The following PTPRT variants were observed in gnomAD, a reference collection of about 807,000 sequenced individuals.
The protein encoded by PTPRT is protein tyrosine phosphatase receptor type T.
In PTPRT, 56 loss-of-function variants were observed where a neutral mutation model predicts 176.8. The observed-to-expected ratio is 0.32, with a 90% confidence interval of 0.26 to 0.40. The LOEUF is 0.40. Ranked by LOEUF, PTPRT falls within the 10% of genes least tolerant of loss-of-function variation. PTPRT has a pLI of 1.00. For synonymous variants in PTPRT, 783 were observed against 739.0 expected (o/e 1.06, Z -0.96); for missense variants, 1,540 against 1,908.2 (o/e 0.81, Z 3.60).
intron 17 of PTPRT, among the ~76,000 whole-genome samples, chr20:42,156,225 A>G (rs1337572196): frequency 6.6e-6 from 1 of 152,188 alleles, no homozygotes; most frequent in Admixed American, 6.5e-5. Context: ...CCCACCCCCA[A>G]GGATTCTCAT....
chr20:42,415,057 A>C (rs1285895719), intron 9 of PTPRT, among the ~76,000 whole-genome samples: 1 of 152,236 alleles, frequency 6.6e-6, no homozygotes, highest in Admixed American at 6.5e-5. Flanking sequence ...GTCCAGAAAT[A>C]GAACTGAAGG....
rs1255209939 is a variant in PTPRT at position 42,320,638 on chromosome 20, G to A, written c.1866-4642C>T. 3.9e-5 allele frequency among the ~76,000 whole-genome samples: 6 copies of A among 152,170 alleles called. No individual in the cohort carries two copies. The East Asian group carries it at 1.2e-3, about 29-fold the overall frequency. ...ATGATGTATTGAGGAAGTAGTCCCA[G>A]AAGAAACTAGTAAAGGAGTGAGAGA... On this transcript the variant is annotated intron_variant, in intron 11 of 30. Coordinates refer to ENST00000373187, the MANE Select transcript of PTPRT (RefSeq NM_007050.6).
chr20:42,589,400 C>T (rs2073529579), intron 7 of PTPRT, among the ~76,000 whole-genome samples: 1 of 152,172 alleles, frequency 6.6e-6, no homozygotes, highest in African/African-American at 2.4e-5. Context: ...AAGCAAGTTC[C>T]GTTCTTCAAT....
intron 2 of PTPRT, among the ~76,000 whole-genome samples, chr20:42,868,725 A>G (rs1489367271): frequency 1.3e-5 from 2 of 152,198 alleles, no homozygotes; most frequent in Non-Finnish European, 2.9e-5. Context: ...ATTTATCAAG[A>G]CAATGAAAGA....
chr20:42,245,927 G>A (rs1292316478), intron 14 of PTPRT, among the ~76,000 whole-genome samples: 1 of 152,192 alleles, frequency 6.6e-6, no homozygotes, highest in Non-Finnish European at 1.5e-5. Context: ...CCAGTGGAGG[G>A]GTTGTAGCAG....
At chr20:42,195,791 G>C (rs1202923898) in intron 16 of PTPRT, among the ~76,000 whole-genome samples, 1 of 151,784 alleles carries the variant, frequency 6.6e-6, no homozygotes, top group Non-Finnish European at 1.5e-5. Context: ...GTATATTTAC[G>C]TGTCTGTGTA....
At chr20:42,035,417 A>AC in the PTPRT span, among the ~76,000 whole-genome samples, 1 of 152,002 alleles carries the variant, frequency 6.6e-6, no homozygotes, top group Non-Finnish European at 1.5e-5. Flanking sequence ...AAGAGCCAGA[A>AC]CTCCTGGTCA....
chr20:42,329,309 G>A (rs1482903150), intron 11 of PTPRT, among the ~76,000 whole-genome samples: 1 of 152,022 alleles, frequency 6.6e-6, no homozygotes, highest in Non-Finnish European at 1.5e-5. Context: ...AAATTCATAG[G>A]GAAACATAAG....
At chr20:42,162,284 G>C (rs551845405) in intron 16 of PTPRT, among the ~76,000 whole-genome samples, 1 of 152,122 alleles carries the variant, frequency 6.6e-6, no homozygotes, top group Non-Finnish European at 1.5e-5. Flanking sequence ...TACTTTCCCC[G>C]GGCCTGGATG....
chr20:42,265,024 C>A (rs538922154), intron 13 of PTPRT, among the ~76,000 whole-genome samples: 19 of 152,302 alleles, frequency 1.2e-4, no homozygotes, highest in African/African-American at 4.6e-4. Context: ...GGGTTAAGAT[C>A]ATTATAATGA....
intron 6 of PTPRT, 138 bp downstream of exon 6, chr20:42,756,324 G>C (rs1383585163): frequency 1.1e-6 from 1 of 890,176 alleles, no homozygotes; most frequent in Admixed American, 3.7e-5. Context: ...TTGTGTTGGG[G>C]AGGGAGGCCA....
At chr20:42,521,476 T>C (rs2072175668) in intron 7 of PTPRT, among the ~76,000 whole-genome samples, 1 of 152,216 alleles carries the variant, frequency 6.6e-6, no homozygotes, top group African/African-American at 2.4e-5. Context: ...GATTTATAGA[T>C]CCTTTTCCAA....
At chr20:42,338,715 T>C (rs2058073175) in intron 11 of PTPRT, among the ~76,000 whole-genome samples, 1 of 152,182 alleles carries the variant, frequency 6.6e-6, no homozygotes, top group African/African-American at 2.4e-5. Flanking sequence ...CTCTCATAAT[T>C]TCAGCTTTGC....
intron 12 of PTPRT, among the ~76,000 whole-genome samples, chr20:42,285,658 T>C (rs2057216877): frequency 6.6e-6 from 1 of 151,782 alleles, no homozygotes; most frequent in South Asian, 2.1e-4. Flanking sequence ...GTCTCTCTTA[T>C]TCAACACAGC....
chr20:42,352,049 A>G, intron 10 of PTPRT, 35 bp downstream of exon 10: 1 of 1,594,004 alleles, frequency 6.3e-7, no homozygotes, highest in Non-Finnish European at 8.6e-7. Context: ...GGGGTGAAAC[A>G]ACCTTTTTTC....
intron 1 of PTPRT, among the ~76,000 whole-genome samples, chr20:43,113,726 T>C (rs1489457545): frequency 1.3e-5 from 2 of 152,080 alleles, no homozygotes; most frequent in African/African-American, 4.8e-5. Context: ...ATCAAAGGCT[T>C]GGGGTTACTG....
intron 12 of PTPRT, among the ~76,000 whole-genome samples, chr20:42,305,271 C>A (rs931670722): frequency 1.6e-4 from 11 of 70,120 alleles, no homozygotes; most frequent in African/African-American, 8.0e-4. Context: ...GAGAATCACT[C>A]GAACCTGGGA....
At chr20:42,137,833 C>A (rs1988444979) in intron 18 of PTPRT, among the ~76,000 whole-genome samples, 2 of 152,322 alleles carry the variant, frequency 1.3e-5, no homozygotes, top group Non-Finnish European at 2.9e-5. Flanking sequence ...AACAACAGAA[C>A]TGGGATGAAA....
chr20:42,446,368 G>A (rs1385588479), intron 9 of PTPRT, among the ~76,000 whole-genome samples: 5 of 152,024 alleles, frequency 3.3e-5, no homozygotes, highest in Admixed American at 1.3e-4. Context: ...TTTATAAAAC[G>A]ATGTAAATAA....
Sources: gnomAD v4.1 joint callset for allele counts (sites outside exome capture counted in the v4.1 genomes callset) on GRCh38, gnomAD v4.1.1 for gene constraint, MANE v1.5 for transcripts, NCBI Gene and HGNC (gene_info 2026-07-23, HGNC 2026-07-21) for gene names.